The following VEPH1 variants were observed in gnomAD, a reference collection of about 807,000 sequenced individuals.
VEPH1 encodes ventricular zone expressed PH domain containing 1.
A neutral mutation model predicts 85.2 loss-of-function variants in VEPH1; 80 were observed. The ratio of observed to expected loss-of-function variants is 0.94; its 90% CI spans 0.78 to 1.13. VEPH1 has a LOEUF of 1.13. VEPH1 is among the 50% of genes most tolerant of loss of function. The probability of loss-of-function intolerance (pLI) is 0.00; values close to 1 mark genes in which losing one functional copy is unlikely to be tolerated. For synonymous variants in VEPH1, 297 were observed against 348.0 expected, an observed-to-expected ratio of 0.85 and a Z score of 1.63; for missense variants, 955 against 980.5, an observed-to-expected ratio of 0.97 and a Z score of 0.35.
Position 157,381,225 on chromosome 3 carries a change from C to T in VEPH1, c.1058G>A (p.Ser353Asn), listed in dbSNP as rs932208897. The T allele has an allele frequency of 2.5e-6, 4 of 1,613,896 alleles. No individual in the cohort carries two copies. In the African/African-American group the frequency reaches 4.0e-5, roughly 16 times the overall value. Residue 353 changes from serine to asparagine, a missense_variant, in exon 7 of 14, where the codon AGC becomes AAC. Ser to Asn is a conservative substitution (Grantham distance 46, BLOSUM62 1). Transcript: ENST00000362010. ...TTTAGCAATGGCGGTGAAGCTGTTG[C>T]TCATGCGGAAGATGTCTCTGCTCTG... ...GPQSRDIFRM[S>N]NSFTAIAKLL...
Position 157,261,333 on chromosome 3 carries a change from TTG to T in VEPH1, c.2301_2302del (p.Ser767ArgfsTer28), listed in dbSNP as rs756540808. 1 of 1,613,654 alleles carries T rather than the reference TTG, an allele frequency of 6.2e-7. No individual in the cohort carries two copies. The highest frequency in any genetic ancestry group is 8.5e-7 in the Non-Finnish European group (1 of 1,179,704). ...GGCCACAGCCTTCACACTCTGTACT[TTG>T]CTGAGTTCTATTGGGCAGTCGTCAG... On this transcript the variant is annotated frameshift_variant, in exon 14 of 14. Transcript: ENST00000362010. LOFTEE classifies it high-confidence loss of function.
chr3:157,451,338 A>G (rs548484546), intron 4 of VEPH1, among the ~76,000 whole-genome samples: 24 of 152,334 alleles, frequency 1.6e-4, no homozygotes, highest in African/African-American at 5.5e-4. Context: ...CATTCCAATT[A>G]TACCTTTAAT....
chr3:157,344,353 C>T (rs1723951793), intron 9 of VEPH1, among the ~76,000 whole-genome samples: 1 of 152,164 alleles, frequency 6.6e-6, no homozygotes, highest in African/African-American at 2.4e-5. Flanking sequence ...AATCAATGTG[C>T]AAAAATCACA....
intron 11 of VEPH1, among the ~76,000 whole-genome samples, chr3:157,295,056 C>T (rs1055679582): frequency 6.6e-6 from 1 of 152,218 alleles, no homozygotes; most frequent in Middle Eastern, 3.4e-3. Flanking sequence ...GCTGTTCCAC[C>T]CCCTATGTAA....
intron 9 of VEPH1, among the ~76,000 whole-genome samples, chr3:157,325,077 C>T (rs1181885468): frequency 6.6e-6 from 1 of 152,182 alleles, no homozygotes; most frequent in Non-Finnish European, 1.5e-5. Context: ...ATGTGCACTT[C>T]TCTAATGATC....
chr3:157,452,350 G>T (rs1437124121), intron 4 of VEPH1, among the ~76,000 whole-genome samples: 1 of 152,162 alleles, frequency 6.6e-6, no homozygotes, highest in Non-Finnish European at 1.5e-5. Flanking sequence ...AGATATGAAA[G>T]TCGGAGCTAG....
At chr3:157,426,997 T>C (rs932249392) in intron 5 of VEPH1, among the ~76,000 whole-genome samples, 1 of 151,546 alleles carries the variant, frequency 6.6e-6, no homozygotes, top group Non-Finnish European at 1.5e-5. Flanking sequence ...CTTTTCTTTT[T>C]TTTTTTTTGA....
intron 10 of VEPH1, chr3:157,315,943 A>G (rs1455292908): frequency 2.6e-5 from 4 of 152,102 alleles, no homozygotes; most frequent in Non-Finnish European, 5.9e-5. Flanking sequence ...AAGACAGTCA[A>G]TGCTGTTCTT....
chr3:157,442,930 G>A, intron 4 of VEPH1: 2 of 1,614,016 alleles, frequency 1.2e-6, no homozygotes, highest in East Asian at 2.2e-5. Flanking sequence ...ATTGTTGGGT[G>A]GGGAGTCACA....
intron 9 of VEPH1, among the ~76,000 whole-genome samples, chr3:157,318,714 C>T (rs190903338): frequency 1.3e-5 from 2 of 151,674 alleles, no homozygotes; most frequent in East Asian, 3.9e-4. Context: ...CCAGTATGCC[C>T]TACTCTTACA....
chr3:157,337,090 A>G (rs1723039879), intron 9 of VEPH1, among the ~76,000 whole-genome samples: 1 of 151,118 alleles, frequency 6.6e-6, no homozygotes, highest in South Asian at 2.1e-4. Flanking sequence ...TGTCAAAGGA[A>G]ATGCCATAGG....
At chr3:157,274,390 A>C (rs1715111874) in intron 12 of VEPH1, among the ~76,000 whole-genome samples, 2 of 152,204 alleles carry the variant, frequency 1.3e-5, no homozygotes, top group South Asian at 4.1e-4. Context: ...AATTCAGAGT[A>C]AGAGAGGGAC....
chr3:157,406,350 T>A (rs1731139463), intron 6 of VEPH1, among the ~76,000 whole-genome samples: 1 of 152,116 alleles, frequency 6.6e-6, no homozygotes, highest in Non-Finnish European at 1.5e-5. Flanking sequence ...GTGTAAATCA[T>A]CCACCCAGCT....
chr3:157,387,281 T>C (rs1729406990), intron 6 of VEPH1, among the ~76,000 whole-genome samples: 1 of 152,114 alleles, frequency 6.6e-6, no homozygotes, highest in African/African-American at 2.4e-5. Flanking sequence ...ACTCAGAAAA[T>C]GGCCAAACAT....
intron 5 of VEPH1, among the ~76,000 whole-genome samples, chr3:157,426,992 C>CT (rs560739865): frequency 0.015 from 2,157 of 144,402 alleles, 18 homozygotes; most frequent in Non-Finnish European, 0.017. Context: ...TTTTTCTTTT[C>CT]TTTTTTTTTT....
At chr3:157,276,093 A>T (rs553572711) in intron 12 of VEPH1, among the ~76,000 whole-genome samples, 6 of 152,338 alleles carry the variant, frequency 3.9e-5, no homozygotes, top group Admixed American at 3.9e-4. Flanking sequence ...AGGAGGCATG[A>T]TCCTCACTGA....
Position 157,438,037 on chromosome 3 carries a change from GCACACACACACA to G in VEPH1, c.530-9561_530-9550del, listed in dbSNP as rs781700719. ...TCATGGGAAGCGCGCGCGCGCGCGC[GCACACACACACA>G]CACACACACACACACACACACACCC... On this transcript the variant is annotated intron_variant, in intron 4 of 13. Transcript: ENST00000362010. 44 of 516,102 alleles carry G rather than the reference GCACACACACACA, an allele frequency of 8.5e-5. 1 individual carries two copies. The highest frequency in any genetic ancestry group is 1.0e-3 in the Middle Eastern group (2 of 1,944). 32.0% of individuals were successfully genotyped at this position (516,102 alleles called of 1,614,324 possible).
At chr3:157,417,297 G>C (rs1405262716) in intron 5 of VEPH1, among the ~76,000 whole-genome samples, 2 of 152,166 alleles carry the variant, frequency 1.3e-5, no homozygotes, top group Non-Finnish European at 2.9e-5. Flanking sequence ...CTCAGGGAAT[G>C]CTGTGCTTTG....
intron 9 of VEPH1, among the ~76,000 whole-genome samples, chr3:157,339,336 G>A (rs1205863860): frequency 2.6e-5 from 4 of 152,156 alleles, no homozygotes; most frequent in Non-Finnish European, 1.5e-5. Context: ...ATTTATCTGT[G>A]AAAGCAGTGA....
Sources: gnomAD v4.1 joint callset for allele counts (sites outside exome capture counted in the v4.1 genomes callset) on GRCh38, gnomAD v4.1.1 for gene constraint, MANE v1.5 for transcripts, NCBI Gene and HGNC (gene_info 2026-07-23, HGNC 2026-07-21) for gene names.